The following CBFA2T2 variants were observed in gnomAD, a reference collection of about 807,000 sequenced individuals.
CBFA2T2 encodes the protein protein CBFA2T2.
CBFA2T2 carries 11 observed loss-of-function variants against 62.2 expected under a neutral mutation model. The observed-to-expected ratio is 0.18, with a 90% CI of 0.11 to 0.29. The LOEUF is 0.29. Ranked by LOEUF, CBFA2T2 falls within the 10% of genes least tolerant of loss-of-function variation. The probability of loss-of-function intolerance (pLI) is 1.00; values close to 1 mark genes in which losing one functional copy is unlikely to be tolerated. For missense variants in CBFA2T2, 592 were observed against 774.1 expected (o/e 0.76, Z 2.79); for synonymous variants, 295 against 287.5 (o/e 1.03, Z -0.27).
chr20:33,573,148 A>C (rs987382041), intron 1 of CBFA2T2, among the ~76,000 whole-genome samples: 1 of 152,214 alleles, frequency 6.6e-6, no homozygotes, highest in East Asian at 1.9e-4. Flanking sequence ...TATTGGAGTT[A>C]CATCAATGAG....
At chr20:33,563,006 AT>A (rs1296221427) in intron 1 of CBFA2T2, among the ~76,000 whole-genome samples, 6 of 152,206 alleles carry the variant, frequency 3.9e-5, no homozygotes, top group South Asian at 2.1e-4. Context: ...TTTAGAGGGA[AT>A]TTTTTTCCCC....
chr20:33,508,460 C>T (rs955034445), intron 1 of CBFA2T2, among the ~76,000 whole-genome samples: 9 of 152,014 alleles, frequency 5.9e-5, no homozygotes, highest in African/African-American at 2.2e-4. Flanking sequence ...TTGAGGGCTA[C>T]ATGTGCAGAT....
chr20:33,499,620 G>A (rs1451868326), intron 1 of CBFA2T2, among the ~76,000 whole-genome samples: 2 of 152,156 alleles, frequency 1.3e-5, no homozygotes, highest in Non-Finnish European at 2.9e-5. Context: ...TTTGAAATGA[G>A]TCAATAAGCA....
intron 1 of CBFA2T2, among the ~76,000 whole-genome samples, chr20:33,558,171 G>C (rs1331582982): frequency 6.7e-6 from 1 of 148,278 alleles, no homozygotes; most frequent in African/African-American, 2.5e-5. Context: ...TCTCACTCTC[G>C]CTCAGGCTGG....
intron 3 of CBFA2T2, among the ~76,000 whole-genome samples, chr20:33,612,227 G>A (rs915893134): frequency 1.3e-5 from 2 of 152,176 alleles, no homozygotes; most frequent in African/African-American, 4.8e-5. Context: ...GTGATTTTCT[G>A]ACTTCGACAC....
chr20:33,622,459 A>T (rs2016028947), intron 4 of CBFA2T2, among the ~76,000 whole-genome samples: 1 of 152,242 alleles, frequency 6.6e-6, no homozygotes. Flanking sequence ...GGAAAAGTAA[A>T]TTCTGTATAT....
chr20:33,564,085 C>T (rs1413840128), intron 1 of CBFA2T2, among the ~76,000 whole-genome samples: 4 of 152,106 alleles, frequency 2.6e-5, no homozygotes, highest in South Asian at 2.1e-4. Flanking sequence ...TTACAAGTCA[C>T]GCAAAAATTC....
At chr20:33,564,683 G>A (rs985958346) in intron 1 of CBFA2T2, among the ~76,000 whole-genome samples, 6 of 151,902 alleles carry the variant, frequency 3.9e-5, no homozygotes, top group Admixed American at 2.6e-4. Context: ...GGACTTCAGT[G>A]ATCCTCCCAC....
At chr20:33,591,459 G>A (rs1357755993) in intron 1 of CBFA2T2, among the ~76,000 whole-genome samples, 2 of 99,412 alleles carry the variant, frequency 2.0e-5, no homozygotes, top group African/African-American at 7.7e-5. Flanking sequence ...GAGCAACAGA[G>A]TAAATCTCAA....
chr20:33,610,774 G>A (rs2015493409), intron 2 of CBFA2T2, among the ~76,000 whole-genome samples: 1 of 152,062 alleles, frequency 6.6e-6, no homozygotes, highest in Non-Finnish European at 1.5e-5. Context: ...AGATCTATTG[G>A]CCCAGACCCA....
At chr20:33,545,745 G>C (rs2146881314) in intron 1 of CBFA2T2, among the ~76,000 whole-genome samples, 1 of 152,328 alleles carries the variant, frequency 6.6e-6, no homozygotes, top group Non-Finnish European at 1.5e-5. Context: ...AACATACTCA[G>C]ACTTTTTCTT....
At chr20:33,539,193 G>GT (rs2012344912) in intron 1 of CBFA2T2, among the ~76,000 whole-genome samples, 1 of 152,186 alleles carries the variant, frequency 6.6e-6, no homozygotes, top group African/African-American at 2.4e-5. Flanking sequence ...TGTTAGGCCT[G>GT]TTTGCTTATC....
chr20:33,591,179 C>CAAAAAAAAAA (rs80021195), intron 1 of CBFA2T2, among the ~76,000 whole-genome samples: 3 of 82,048 alleles, frequency 3.7e-5, no homozygotes, highest in African/African-American at 1.4e-4. Flanking sequence ...AACTCCCTCT[C>CAAAAAAAAAA]AAAAAAAAAA....
intron 1 of CBFA2T2, among the ~76,000 whole-genome samples, chr20:33,537,765 C>T (rs951932335): frequency 2.6e-5 from 4 of 152,172 alleles, no homozygotes; most frequent in African/African-American, 4.8e-5. Context: ...ATTCCTCTAC[C>T]GGATTGTCCT....
At chr20:33,511,422 G>A (rs1413135095) in intron 1 of CBFA2T2, among the ~76,000 whole-genome samples, 5 of 152,064 alleles carry the variant, frequency 3.3e-5, no homozygotes, top group Non-Finnish European at 7.4e-5. Flanking sequence ...TTTTTGTCGG[G>A]TTTGTCAAAG....
intron 1 of CBFA2T2, among the ~76,000 whole-genome samples, chr20:33,551,939 A>G (rs907002845): frequency 2.0e-5 from 3 of 151,426 alleles, no homozygotes; most frequent in Admixed American, 6.6e-5. Context: ...CTGCTTACGT[A>G]AAATTCTTGA....
intron 1 of CBFA2T2, among the ~76,000 whole-genome samples, chr20:33,543,755 T>C (rs2012465805): frequency 6.6e-6 from 1 of 152,202 alleles, no homozygotes; most frequent in Non-Finnish European, 1.5e-5. Context: ...AGGTTTTTCA[T>C]TGTTGCCAAG....
At chr20:33,630,560 G>A (rs2016411317) in intron 8 of CBFA2T2, among the ~76,000 whole-genome samples, 1 of 152,200 alleles carries the variant, frequency 6.6e-6, no homozygotes, top group South Asian at 2.1e-4. Flanking sequence ...ACGCTGGGTT[G>A]TTTCCCCTTG....
At chr20:33,577,276 C>G (rs1323682045) in intron 1 of CBFA2T2, among the ~76,000 whole-genome samples, 4 of 151,954 alleles carry the variant, frequency 2.6e-5, no homozygotes, top group Admixed American at 6.6e-5. Context: ...TGGATAAAAA[C>G]TTTCTGGATT....
Sources: gnomAD v4.1 joint callset for allele counts (sites outside exome capture counted in the v4.1 genomes callset) on GRCh38, gnomAD v4.1.1 for gene constraint, MANE v1.5 for transcripts, NCBI Gene and HGNC (gene_info 2026-07-23, HGNC 2026-07-21) for gene names.